The following FGF18 variants were observed in gnomAD, a reference collection of about 807,000 sequenced individuals.
FGF18 encodes fibroblast growth factor 18.
Under a neutral mutation model 23.0 loss-of-function variants are expected in FGF18, and 5 were observed. The observed-to-expected ratio is 0.22, with a 90% CI of 0.11 to 0.46. FGF18 has a LOEUF of 0.46. Ranked by LOEUF, FGF18 falls within the 20% of genes least tolerant of loss-of-function variation. The pLI, the probability that FGF18 is intolerant of heterozygous loss-of-function variation, is 0.99. For synonymous variants in FGF18, 117 were observed against 118.9 expected, an observed-to-expected ratio of 0.98 and a Z score of 0.10; for missense variants, 180 against 291.6, an observed-to-expected ratio of 0.62 and a Z score of 2.79.
intron 2 of FGF18, among the ~76,000 whole-genome samples, chr5:171,421,041 A>G (rs1771997911): frequency 6.6e-6 from 1 of 152,222 alleles, no homozygotes; most frequent in African/African-American, 2.4e-5. Context: ...CCCTCGCCTA[A>G]GGTGGTGCAG....
rs780785291 is a variant in FGF18, at chr5:171,456,610, G to A, written c.429G>A (p.Ser143=). 28 of 1,614,004 alleles carry A rather than the reference G, an allele frequency of 1.7e-5. No individual in the cohort carries two copies. Among genetic ancestry groups the A allele is most frequent in the East Asian group, 4.5e-5 (2 of 44,876 alleles). The change falls in exon 5 of 5, where the codon TCG becomes TCA. Residue 143 remains serine (S), a synonymous_variant. Coordinates refer to ENST00000274625, the MANE Select transcript of FGF18 (RefSeq NM_003862.3). The surrounding 1 kb of genome is among the most constrained non-coding windows in gnomAD (Gnocchi z 6.1). ...VLENNYTALM[S]AKYSGWYVGF... is the part of the protein sequence containing the mutation. ...AGAACAACTACACGGCCCTGATGTC[G>A]GCTAAGTACTCCGGCTGGTACGTGG...
chr5:171,421,752 G>C (rs1045284869), intron 2 of FGF18, among the ~76,000 whole-genome samples: 1 of 152,116 alleles, frequency 6.6e-6, no homozygotes, highest in African/African-American at 2.4e-5. Context: ...AAGGGTGGAC[G>C]GACTGATGGG....
intron 3 of FGF18, among the ~76,000 whole-genome samples, chr5:171,443,719 T>C (rs1222308207): frequency 6.6e-6 from 1 of 151,894 alleles, no homozygotes. Flanking sequence ...GAGTTTTTTG[T>C]AGAAAGAGTT....
At chr5:171,441,738 C>T (rs1490959323) in intron 3 of FGF18, among the ~76,000 whole-genome samples, 2 of 152,222 alleles carry the variant, frequency 1.3e-5, no homozygotes, top group African/African-American at 4.8e-5. Context: ...ACAGGGCCAA[C>T]CACGAAGACG....
intron 2 of FGF18, among the ~76,000 whole-genome samples, chr5:171,425,087 T>A (rs1581269542): frequency 6.6e-6 from 1 of 152,188 alleles, no homozygotes; most frequent in Admixed American, 6.5e-5. Context: ...GGGAAGAGAC[T>A]TCCATTTTCT....
At chr5:171,431,156 G>C (rs1413396302) in intron 2 of FGF18, among the ~76,000 whole-genome samples, 2 of 152,206 alleles carry the variant, frequency 1.3e-5, no homozygotes, top group African/African-American at 4.8e-5. Context: ...GGAGGCTGCT[G>C]GATGCTCTGG....
Position 171,436,336 on chromosome 5 carries a change from G to T in FGF18, c.250+63G>T. 4 of 1,311,680 alleles carry T rather than the reference G, an allele frequency of 3.0e-6. No individual in the cohort carries two copies. The highest frequency in any genetic ancestry group is 4.0e-6 in the Non-Finnish European group (4 of 998,110). The allele number at this position is 1,311,680 out of a possible 1,614,324, so 81.3% of individuals were successfully genotyped here. The stretch of plus-strand genomic sequence containing the variant: ...TGTACATGTCCTTCCTGGCCTCAGA[G>T]ACCTCAAGTTCAAATGCCAGCCTTG... On this transcript the variant is annotated intron_variant, in intron 3 of 4. Coordinates refer to ENST00000274625, the MANE Select transcript of FGF18 (RefSeq NM_003862.3). The surrounding 1 kb of genome is among the most constrained non-coding windows in gnomAD (Gnocchi z 4.4).
chr5:171,425,655 C>T (rs1561884011), intron 2 of FGF18, among the ~76,000 whole-genome samples: 1 of 151,884 alleles, frequency 6.6e-6, no homozygotes, highest in African/African-American at 2.4e-5. Flanking sequence ...TTCAGCCTCC[C>T]GAGTAGCTGG....
intron 3 of FGF18, among the ~76,000 whole-genome samples, chr5:171,444,189 T>C (rs532666084): frequency 6.6e-6 from 1 of 152,104 alleles, no homozygotes; most frequent in East Asian, 1.9e-4. Context: ...CCAAAGAAAG[T>C]GGGGTCAAAG....
intron 2 of FGF18, among the ~76,000 whole-genome samples, chr5:171,430,979 C>T (rs1772174695): frequency 6.6e-6 from 1 of 152,062 alleles, no homozygotes; most frequent in African/African-American, 2.4e-5. Flanking sequence ...GTGCTGGTTC[C>T]TGTGTGAGTG....
chr5:171,426,833 T>G (rs1245804903), intron 2 of FGF18, among the ~76,000 whole-genome samples: 1 of 152,262 alleles, frequency 6.6e-6, no homozygotes, highest in Non-Finnish European at 1.5e-5. Context: ...GCTGTGCTTC[T>G]TGGCAGCTGC....
chr5:171,439,902 G>C (rs1340815749), intron 3 of FGF18, among the ~76,000 whole-genome samples: 1 of 152,098 alleles, frequency 6.6e-6, no homozygotes, highest in Non-Finnish European at 1.5e-5. Context: ...AAAAAAAAAT[G>C]ATTAAAAAAC....
chr5:171,420,196 A>G lies in FGF18; in HGVS notation c.-4A>G. On this transcript the variant is annotated 5_prime_UTR_variant, in exon 1 of 5. Coordinates refer to ENST00000274625, the MANE Select transcript of FGF18 (RefSeq NM_003862.3). Reference sequence around the variant, plus strand: ...AGGAGCCGCCGCCTCCCTCCCGCCCAGCGATGTATTCAGCGCCCTCCGCCT... The same window carrying G: ...AGGAGCCGCCGCCTCCCTCCCGCCCGGCGATGTATTCAGCGCCCTCCGCCT... 6.5e-7 allele frequency: 1 copy of G among 1,544,018 alleles called. No homozygotes were observed.
chr5:171,437,189 C>G (rs1772259979), intron 3 of FGF18, among the ~76,000 whole-genome samples: 3 of 152,350 alleles, frequency 2.0e-5, no homozygotes, highest in South Asian at 2.1e-4. Flanking sequence ...TGGGGCCAAA[C>G]CTGCCAGCCT....
intron 4 of FGF18, among the ~76,000 whole-genome samples, chr5:171,452,510 C>T (rs766376370): frequency 6.6e-6 from 1 of 152,176 alleles, no homozygotes; most frequent in African/African-American, 2.4e-5. Flanking sequence ...GTCCCCAGCC[C>T]CTGCATGTTC....
At chr5:171,439,319 A>G (rs1234705375) in intron 3 of FGF18, among the ~76,000 whole-genome samples, 1 of 152,134 alleles carries the variant, frequency 6.6e-6, no homozygotes, top group Non-Finnish European at 1.5e-5. Context: ...AGGGGTTCTG[A>G]GAGTGGGCCG....
chr5:171,431,981 G>A lies in FGF18; in HGVS notation c.70-4112G>A, dbSNP rs546536415. On this transcript the variant is annotated intron_variant, in intron 2 of 4. Coordinates refer to ENST00000274625, the MANE Select transcript of FGF18 (RefSeq NM_003862.3). ...CGAGAATCACTTGAACCGGGGAGGCGGAGGTTGCAGTGAGCCGAGATCGCG... is the reference window on the plus strand; with the variant it reads ...CGAGAATCACTTGAACCGGGGAGGCAGAGGTTGCAGTGAGCCGAGATCGCG... Among the ~76,000 whole-genome samples, 133 of 152,228 alleles carry A rather than the reference G, an allele frequency of 8.7e-4. No homozygotes were observed. In the Middle Eastern group the frequency reaches 0.01, roughly 12 times the overall value.
At chr5:171,441,153 AT>A (rs988908525) in intron 3 of FGF18, among the ~76,000 whole-genome samples, 1 of 151,958 alleles carries the variant, frequency 6.6e-6, no homozygotes, top group African/African-American at 2.4e-5. Flanking sequence ...TCTCGTCCCC[AT>A]TTCCCTCCTT....
chr5:171,439,776 A>C (rs1483694843), intron 3 of FGF18, among the ~76,000 whole-genome samples: 1 of 152,192 alleles, frequency 6.6e-6, no homozygotes, highest in Non-Finnish European at 1.5e-5. Context: ...GCCCACACGC[A>C]GGGAGACTCT....
Sources: allele counts gnomAD v4.1 joint callset (sites outside exome capture counted in the v4.1 genomes callset), GRCh38; gene constraint gnomAD v4.1.1; non-coding constraint Gnocchi (gnomAD v3.1); transcripts MANE v1.5; gene names NCBI Gene and HGNC (gene_info 2026-07-23, HGNC 2026-07-21).